AQP6: variants seen among roughly 807,000 people sequenced by gnomAD.
The protein encoded by AQP6 is aquaporin 6.
A neutral mutation model predicts 16.3 loss-of-function variants in AQP6; 14 were observed. That is an observed-to-expected ratio of 0.86 (90% CI 0.57 to 1.34). The LOEUF (loss-of-function observed/expected upper bound fraction) is 1.34, where lower values mean the gene tolerates loss of function less well. AQP6 is among the 40% of genes most tolerant of loss of function. The probability of loss-of-function intolerance (pLI) is 0.00; values close to 1 mark genes in which losing one functional copy is unlikely to be tolerated. For synonymous variants in AQP6, 178 were observed against 166.8 expected, an observed-to-expected ratio of 1.07 and a Z score of -0.52; for missense variants, 331 against 379.7, an observed-to-expected ratio of 0.87 and a Z score of 1.07.
rs575025578 is a variant in AQP6 at position 49,977,040 on chromosome 12, C to T, written c.*1369C>T. Reference sequence around the variant, plus strand: ...CTTCTCCAGCTGTAAAATGGACACACAATCCTCCTCCAGGGACTGCTGTGA... The same window carrying T: ...CTTCTCCAGCTGTAAAATGGACACATAATCCTCCTCCAGGGACTGCTGTGA... On this transcript the variant is annotated 3_prime_UTR_variant, in exon 4 of 4. Transcript: ENST00000315520. 4.3e-5 allele frequency: 30 copies of T among 702,354 alleles called. 1 individual carries two copies. In the African/African-American group the frequency reaches 4.9e-4, roughly 11 times the overall value. 43.5% of individuals were successfully genotyped at this position (702,354 alleles called of 1,614,324 possible). A position where few individuals can be genotyped will look rare whatever the true frequency, so the allele number is the denominator to read the frequency against.
chr12:49,974,468 G>A lies in AQP6; in HGVS notation c.547G>A (p.Gly183Ser), dbSNP rs1947556105. 1 of 1,609,590 alleles carries A rather than the reference G, an allele frequency of 6.2e-7. No homozygotes were observed. Among genetic ancestry groups the A allele is most frequent in the Non-Finnish European group, 8.5e-7 (1 of 1,177,550 alleles). ...CATGATTGGGATCTCTGTGGCACTG[G>A]GCCACCTCATTGGGGTAAGGAACAG... ...ATMIGISVAL[G>S]HLIGIHFTGC... Residue 183 changes from glycine to serine, a missense_variant, in exon 2 of 4, where the codon GGC (glycine) becomes AGC (serine). By Grantham distance (56) the Gly-to-Ser change is moderately conservative. Coordinates refer to ENST00000315520, the MANE Select transcript of AQP6 (RefSeq NM_001652.4).
intron 1 of AQP6, 188 bp from the exon 2 acceptor site, chr12:49,974,136 C>T (rs570374119): frequency 7.8e-6 from 10 of 1,284,138 alleles, no homozygotes; most frequent in East Asian, 2.9e-5. Context: ...GCACCACTCA[C>T]TTCTGCAGGG....
Position 49,977,097 on chromosome 12 carries a change from TA to T in AQP6, c.*1430del. The stretch of plus-strand genomic sequence containing the variant: ...GAAATCGGAAAATACTTTCAGAAGT[TA>T]AAATGCTAGAAAAACAACCCCAATA... On this transcript the variant is annotated 3_prime_UTR_variant, in exon 4 of 4. Coordinates refer to ENST00000315520, the MANE Select transcript of AQP6 (RefSeq NM_001652.4). 1 of 692,604 alleles carries T rather than the reference TA, an allele frequency of 1.4e-6. No individual in the cohort carries two copies. Among genetic ancestry groups the T allele is most frequent in the Non-Finnish European group, 2.6e-6 (1 of 381,058 alleles). 42.9% of individuals were successfully genotyped at this position (692,604 alleles called of 1,614,324 possible). A position where few individuals can be genotyped will look rare whatever the true frequency, so the allele number is the denominator to read the frequency against.
chr12:49,975,463 A>G lies in AQP6; in HGVS notation c.643-2A>G, dbSNP rs1947564361. ...GTGGGGTGACGACATCCTTCTCCTC[A>G]GGTCTTCTGGGTGGGGCCCCTGATG... On this transcript the variant is annotated splice_acceptor_variant, in intron 3 of 3. Coordinates refer to ENST00000315520, the MANE Select transcript of AQP6 (RefSeq NM_001652.4). LOFTEE classifies it high-confidence loss of function. This position sits in a 1 kb window ranked among gnomAD's most constrained non-coding sequence, Gnocchi z 4.4. The G allele has an allele frequency of 6.3e-7, 1 of 1,591,940 alleles. No individual in the cohort carries two copies. The highest frequency in any genetic ancestry group is 8.5e-7 in the Non-Finnish European group (1 of 1,172,006).
Position 49,975,301 on chromosome 12 carries a change from G to C in AQP6, c.643-164G>C. On this transcript the variant is annotated intron_variant, in intron 3 of 3. Coordinates refer to ENST00000315520, the MANE Select transcript of AQP6 (RefSeq NM_001652.4). The surrounding 1 kb of genome is among the most constrained non-coding windows in gnomAD (Gnocchi z 4.4). ...GCAAGGGGCAAGGTCCCCTTACCTT[G>C]TGGGCTTGGGAAACACGACTCGTGG... 1 of 1,416,426 alleles carries C rather than the reference G, an allele frequency of 7.1e-7. No individual in the cohort carries two copies. The highest frequency in any genetic ancestry group is 9.1e-7 in the Non-Finnish European group (1 of 1,093,122). 87.7% of individuals were successfully genotyped at this position (1,416,426 alleles called of 1,614,324 possible). A position where few individuals can be genotyped will look rare whatever the true frequency, so the allele number is the denominator to read the frequency against.
intron 1 of AQP6, 23 bp from the exon 2 acceptor site, chr12:49,974,301 C>G (rs140947552): frequency 1.3e-6 from 2 of 1,519,228 alleles, no homozygotes; most frequent in Non-Finnish European, 8.9e-7. Flanking sequence ...CGCGTCTGGT[C>G]CAGAGTAACT....
chr12:49,975,750 A>C lies in AQP6; in HGVS notation c.*79A>C. ...GGAGGTTCTCCCTGGGGGTGGCGGG[A>C]GGGGGAGGCTTGACCTTTTGTCCTG... On this transcript the variant is annotated 3_prime_UTR_variant, in exon 4 of 4. Transcript: ENST00000315520. The surrounding 1 kb of genome is among the most constrained non-coding windows in gnomAD (Gnocchi z 4.4). The C allele has an allele frequency of 1.2e-6, 1 of 862,922 alleles. No individual in the cohort carries two copies. Among genetic ancestry groups the C allele is most frequent in the Non-Finnish European group, 1.6e-6 (1 of 625,658 alleles). The allele number at this position is 862,922 out of a possible 1,614,324, so 53.5% of individuals were successfully genotyped here. A position where few individuals can be genotyped will look rare whatever the true frequency, so the allele number is the denominator to read the frequency against.
chr12:49,974,332 C>T lies in AQP6; in HGVS notation c.411C>T (p.Asn137=), dbSNP rs754633688. ...TAACTCCCTCTGTCCAGGTCCGGAA[C>T]AGTGTCTCAACTGGCCAGGCGGTGG... ...RETLGINVVR[N]SVSTGQAVAV... The change falls in exon 2 of 4, where the codon AAC becomes AAT. Residue 137 remains asparagine (N), a synonymous_variant. Transcript: ENST00000315520. 265 of 1,578,236 alleles carry T rather than the reference C, an allele frequency of 1.7e-4. 1 individual carries two copies. The highest frequency in any genetic ancestry group is 6.9e-6 in the Non-Finnish European group (8 of 1,158,506).
Position 49,976,958 on chromosome 12 carries a change from T to TA in AQP6, c.*1291dup, listed in dbSNP as rs1364979028. 1.0e-5 allele frequency: 7 copies of TA among 701,476 alleles called. No individual in the cohort carries two copies. In the East Asian group the frequency reaches 1.9e-4, roughly 19 times the overall value. 43.5% of individuals were successfully genotyped at this position (701,476 alleles called of 1,614,324 possible). A position where few individuals can be genotyped will look rare whatever the true frequency, so the allele number is the denominator to read the frequency against. On this transcript the variant is annotated 3_prime_UTR_variant, in exon 4 of 4. Transcript: ENST00000315520. ...CCAAAATCTAAGTTGGTTTAATAGT[T>TA]AAAAGCTGCTGTAGATTTATTCTGC... is the stretch of plus-strand genomic sequence containing the variant.
Position 49,975,125 on chromosome 12 carries a change from C to T in AQP6, c.642+299C>T. ...AAAAAGACAAACAGAAATAGACACA[C>T]ACACCAGCAGAGACAGAAACAGCAA... On this transcript the variant is annotated intron_variant, in intron 3 of 3. Coordinates refer to ENST00000315520, the MANE Select transcript of AQP6 (RefSeq NM_001652.4). This position sits in a 1 kb window ranked among gnomAD's most constrained non-coding sequence, Gnocchi z 4.4. 1 of 1,320,722 alleles carries T rather than the reference C, an allele frequency of 7.6e-7. No individual in the cohort carries two copies. The highest frequency in any genetic ancestry group is 9.6e-7 in the Non-Finnish European group (1 of 1,036,566). 81.8% of individuals were successfully genotyped at this position (1,320,722 alleles called of 1,614,324 possible). A position where few individuals can be genotyped will look rare whatever the true frequency, so the allele number is the denominator to read the frequency against.
rs975218423 is a variant in AQP6 at position 49,974,883 on chromosome 12, C to T, written c.642+57C>T. 223 of 1,598,244 alleles carry T rather than the reference C, an allele frequency of 1.4e-4. 1 individual carries two copies. The East Asian group carries it at 3.0e-3, about 21-fold the overall frequency. Reference sequence around the variant, plus strand: ...GAAGGGAGCCTGAGTTGCCTGTAGACGGTGGGTTTCACTTGCAGCTTCCCT... The same window carrying T: ...GAAGGGAGCCTGAGTTGCCTGTAGATGGTGGGTTTCACTTGCAGCTTCCCT... On this transcript the variant is annotated intron_variant, in intron 3 of 3. Transcript: ENST00000315520.
At position 49,976,991 on chromosome 12, in the gene AQP6, T is replaced by C. The variant is rs1947579729; in HGVS notation, c.*1320T>C. The C allele has an allele frequency of 1.4e-6, 1 of 702,274 alleles. No individual in the cohort carries two copies. Among genetic ancestry groups the C allele is most frequent in the African/African-American group, 1.7e-5 (1 of 57,252 alleles). The allele number at this position is 702,274 out of a possible 1,614,324, so 43.5% of individuals were successfully genotyped here. ...GCTGTAGATTTATTCTGCCCACAAC[T>C]TGGGGGTCCTTTCTGGATCTCGGCT... is the stretch of plus-strand genomic sequence containing the variant. On this transcript the variant is annotated 3_prime_UTR_variant, in exon 4 of 4. Coordinates refer to ENST00000315520, the MANE Select transcript of AQP6 (RefSeq NM_001652.4).
chr12:49,975,522 G>C lies in AQP6; in HGVS notation c.700G>C (p.Val234Leu), dbSNP rs17124220. 9 of 1,613,514 alleles carry C rather than the reference G, an allele frequency of 5.6e-6. No individual in the cohort carries two copies. The East Asian group carries it at 1.6e-4, about 28-fold the overall frequency. The part of the protein sequence containing the change: ...ALLASLIYNF[V>L]LFPDTKTLAQ... ...CCTGGCCTCACTGATCTACAACTTC[G>C]TCCTGTTCCCCGACACCAAGACCCT... The change falls in exon 4 of 4, where the codon GTC (valine) becomes CTC (leucine). Residue 234 changes from valine to leucine, a missense_variant. Physicochemically the swap from Val to Leu is conservative, Grantham distance 32. Transcript: ENST00000315520. This position sits in a 1 kb window ranked among gnomAD's most constrained non-coding sequence, Gnocchi z 4.4.
rs1201227114 is a variant in AQP6, at chr12:49,974,810, A to G, written c.626A>G (p.Lys209Arg). 1.2e-6 allele frequency: 2 copies of G among 1,614,194 alleles called. No homozygotes were observed. Among genetic ancestry groups the G allele is most frequent in the Non-Finnish European group, 8.5e-7 (1 of 1,180,018 alleles). Residue 209 changes from lysine to arginine, a missense_variant, in exon 3 of 4, where the codon AAG (lysine) becomes AGG (arginine). Transcript: ENST00000315520. ...RSFGPAIIIG[K>R]FTVHWVFWVG... ...TTCGGCCCTGCCATCATCATTGGGA[A>G]GTTCACAGTCCACTGGGTGAGCCCC...
Position 49,974,048 on chromosome 12 carries a change from C to T in AQP6, c.403-276C>T, listed in dbSNP as rs1947551687. On this transcript the variant is annotated intron_variant, in intron 1 of 3. Coordinates refer to ENST00000315520, the MANE Select transcript of AQP6 (RefSeq NM_001652.4). ...CTTCTTCCCCCAAATCTCCTCCTTC[C>T]ACACCTGCTGCCAGTCTCCTCTCAA... 3.3e-6 allele frequency: 4 copies of T among 1,221,038 alleles called. No homozygotes were observed. The South Asian group carries it at 1.5e-4, about 45-fold the overall frequency. The allele number at this position is 1,221,038 out of a possible 1,614,324, so 75.6% of individuals were successfully genotyped here.
At chr12:49,973,764 T>C (rs974882803) in intron 1 of AQP6, among the ~76,000 whole-genome samples, 189 bp downstream of exon 1, 3 of 151,884 alleles carry the variant, frequency 2.0e-5, no homozygotes, top group Non-Finnish European at 2.9e-5. Flanking sequence ...AGAATAGAAA[T>C]GGGATAGTGG....
Position 49,976,968 on chromosome 12 carries a change from T to C in AQP6, c.*1297T>C, listed in dbSNP as rs1309344173. 7.1e-6 allele frequency: 5 copies of C among 702,064 alleles called. No homozygotes were observed. The highest frequency in any genetic ancestry group is 6.0e-5 in the Admixed American group (3 of 49,952). The allele number at this position is 702,064 out of a possible 1,614,324, so 43.5% of individuals were successfully genotyped here. A position where few individuals can be genotyped will look rare whatever the true frequency, so the allele number is the denominator to read the frequency against. On this transcript the variant is annotated 3_prime_UTR_variant, in exon 4 of 4. Transcript: ENST00000315520. The stretch of plus-strand genomic sequence containing the variant: ...AGTTGGTTTAATAGTTAAAAGCTGC[T>C]GTAGATTTATTCTGCCCACAACTTG...
chr12:49,974,606 A>AC, intron 2 of AQP6, 124 bp downstream of exon 2: 2 of 1,411,124 alleles, frequency 1.4e-6, no homozygotes, highest in South Asian at 1.3e-5. Flanking sequence ...CCAAAGTGGT[A>AC]CCCCCTGCAC....
chr12:49,974,293 C>T (rs374986755), intron 1 of AQP6, 31 bp from the exon 2 acceptor site: 55 of 1,500,894 alleles, frequency 3.7e-5, no homozygotes, highest in Non-Finnish European at 4.7e-5. Context: ...GCAGAGCCCG[C>T]GTCTGGTCCA....
Sources: gnomAD v4.1 joint callset for allele counts (sites outside exome capture counted in the v4.1 genomes callset) on GRCh38, gnomAD v4.1.1 for gene constraint, Gnocchi (gnomAD v3.1) non-coding constraint, MANE v1.5 for transcripts, NCBI Gene and HGNC (gene_info 2026-07-23, HGNC 2026-07-21) for gene names.